NTNG1: variants seen among roughly 807,000 people sequenced by gnomAD.
NTNG1 encodes netrin-G1.
Under a neutral mutation model 54.0 loss-of-function variants are expected in NTNG1, and 16 were observed. The ratio of observed to expected loss-of-function variants is 0.30; its 90% CI spans 0.20 to 0.45. The LOEUF (loss-of-function observed/expected upper bound fraction) is 0.45. Ranked by LOEUF, NTNG1 falls within the 20% of genes least tolerant of loss-of-function variation. The pLI is 1.00. For missense variants in NTNG1, 530 were observed against 678.7 expected, an observed-to-expected ratio of 0.78 and a Z score of 2.43; for synonymous variants, 255 against 263.1, an observed-to-expected ratio of 0.97 and a Z score of 0.30.
chr1:107,153,539 A>G (rs1654747434), intron 2 of NTNG1, among the ~76,000 whole-genome samples: 1 of 152,196 alleles, frequency 6.6e-6, no homozygotes, highest in Non-Finnish European at 1.5e-5. Flanking sequence ...CATTATTAAC[A>G]CTTCATTGTT....
intron 2 of NTNG1, among the ~76,000 whole-genome samples, chr1:107,264,171 C>T (rs572985127): frequency 6.6e-6 from 1 of 152,224 alleles, no homozygotes; most frequent in Admixed American, 6.5e-5. Context: ...CACACACGCC[C>T]TTCTATTTTT....
intron 7 of NTNG1, among the ~76,000 whole-genome samples, chr1:107,474,708 G>A (rs1023230611): frequency 1.3e-5 from 2 of 152,144 alleles, no homozygotes; most frequent in Non-Finnish European, 2.9e-5. Flanking sequence ...CATGGCAGAA[G>A]GCATCACATG....
At chr1:107,255,081 A>G (rs1326557369) in intron 2 of NTNG1, among the ~76,000 whole-genome samples, 1 of 152,208 alleles carries the variant, frequency 6.6e-6, no homozygotes, top group Non-Finnish European at 1.5e-5. Flanking sequence ...TATAGATTAA[A>G]ACTAAGGAAG....
At chr1:107,246,942 T>C (rs1237174334) in intron 2 of NTNG1, among the ~76,000 whole-genome samples, 4 of 147,446 alleles carry the variant, frequency 2.7e-5, no homozygotes, top group Non-Finnish European at 6.0e-5. Flanking sequence ...GGGTTATTCC[T>C]ATAAAGACAT....
At chr1:107,403,584 C>G (rs1350964546) in intron 4 of NTNG1, 1 of 155,398 alleles carries the variant, frequency 6.4e-6, no homozygotes, top group Non-Finnish European at 1.4e-5. Context: ...TTGGCATGTG[C>G]CTGTAATCCT....
At chr1:107,318,759 A>AG (rs1416057808) in intron 2 of NTNG1, among the ~76,000 whole-genome samples, 1 of 152,090 alleles carries the variant, frequency 6.6e-6, no homozygotes, top group Non-Finnish European at 1.5e-5. Flanking sequence ...CAGAGAATAA[A>AG]GGGGGACTGC....
chr1:107,426,597 A>T (rs947518141), intron 5 of NTNG1, among the ~76,000 whole-genome samples: 2 of 152,068 alleles, frequency 1.3e-5, no homozygotes, highest in Non-Finnish European at 2.9e-5. Flanking sequence ...GAAGTCAGGA[A>T]ATGTGATGCC....
intron 2 of NTNG1, among the ~76,000 whole-genome samples, chr1:107,269,188 G>C (rs915936947): frequency 7.9e-5 from 12 of 152,088 alleles, no homozygotes; most frequent in African/African-American, 2.7e-4. Flanking sequence ...AATCCTGTAG[G>C]ACTCTCTTTT....
intron 3 of NTNG1, among the ~76,000 whole-genome samples, chr1:107,384,455 A>G (rs151272375): frequency 6.6e-5 from 10 of 152,282 alleles, no homozygotes; most frequent in African/African-American, 2.4e-4. Flanking sequence ...CTCTATATAT[A>G]TGACCACAGC....
At chr1:107,153,074 G>T (rs1212728967) in intron 2 of NTNG1, among the ~76,000 whole-genome samples, 1 of 152,160 alleles carries the variant, frequency 6.6e-6, no homozygotes, top group Non-Finnish European at 1.5e-5. Context: ...TATTATGAAA[G>T]AAACTTTAAT....
At chr1:107,468,901 G>A (rs1677779411) in intron 7 of NTNG1, among the ~76,000 whole-genome samples, 1 of 152,110 alleles carries the variant, frequency 6.6e-6, no homozygotes, top group South Asian at 2.1e-4. Context: ...TTTGAGACCA[G>A]CCTGACCAAC....
intron 2 of NTNG1, among the ~76,000 whole-genome samples, chr1:107,291,737 T>A (rs1051194272): frequency 6.6e-6 from 1 of 152,214 alleles, no homozygotes; most frequent in Non-Finnish European, 1.5e-5. Context: ...TGAATAGTTA[T>A]ATTTAGTTGG....
chr1:107,268,152 C>A (rs1036249262), intron 2 of NTNG1, among the ~76,000 whole-genome samples: 1 of 152,196 alleles, frequency 6.6e-6, no homozygotes, highest in Non-Finnish European at 1.5e-5. Flanking sequence ...AAAAATCTGA[C>A]TGTACTTCAT....
At chr1:107,358,131 A>G (rs1308648274) in intron 3 of NTNG1, among the ~76,000 whole-genome samples, 2 of 152,192 alleles carry the variant, frequency 1.3e-5, no homozygotes, top group African/African-American at 4.8e-5. Context: ...AAGAATGCAT[A>G]TATAACAATA....
intron 2 of NTNG1, among the ~76,000 whole-genome samples, chr1:107,195,902 A>G (rs924418559): frequency 2.0e-5 from 3 of 151,882 alleles, no homozygotes; most frequent in African/African-American, 7.3e-5. Context: ...CCCACACCTC[A>G]TGTGCTCCTT....
At chr1:107,422,881 T>A (rs555965855) in intron 5 of NTNG1, among the ~76,000 whole-genome samples, 4 of 152,124 alleles carry the variant, frequency 2.6e-5, no homozygotes, top group Admixed American at 6.6e-5. Flanking sequence ...AATTTACTAA[T>A]GTAATTATAG....
intron 2 of NTNG1, among the ~76,000 whole-genome samples, chr1:107,206,937 G>T (rs1659239581): frequency 6.6e-6 from 1 of 152,120 alleles, no homozygotes; most frequent in Admixed American, 6.6e-5. Flanking sequence ...GGAAGAAGCT[G>T]ATGTATAGTA....
intron 2 of NTNG1, among the ~76,000 whole-genome samples, chr1:107,278,262 CA>C (rs775543875): frequency 9.2e-5 from 14 of 152,172 alleles, no homozygotes; most frequent in Non-Finnish European, 1.3e-4. Context: ...TTAGAGACTA[CA>C]AAAGTAATAT....
chr1:107,195,548 A>C (rs143372823), intron 2 of NTNG1, among the ~76,000 whole-genome samples: 1 of 151,884 alleles, frequency 6.6e-6, no homozygotes, highest in Non-Finnish European at 1.5e-5. Flanking sequence ...ATGTCCCACA[A>C]GGCCCTACAT....
Sources: gnomAD v4.1 joint callset for allele counts (sites outside exome capture counted in the v4.1 genomes callset) on GRCh38, gnomAD v4.1.1 for gene constraint, MANE v1.5 for transcripts, NCBI Gene and HGNC (gene_info 2026-07-23, HGNC 2026-07-21) for gene names.